HHIPL1: variants seen among roughly 807,000 people sequenced by gnomAD.
HHIPL1 encodes the protein HHIP like 1, also known as HHIP-like protein 1.
Under a neutral mutation model 61.8 loss-of-function variants are expected in HHIPL1, and 43 were observed. That is an observed-to-expected ratio of 0.70 (90% CI 0.55 to 0.90). The LOEUF (loss-of-function observed/expected upper bound fraction) is 0.90, where lower values mean the gene tolerates loss of function less well. HHIPL1 is among the 40% of genes least tolerant of loss of function. The pLI, the probability that HHIPL1 is intolerant of heterozygous loss-of-function variation, is 0.00. For synonymous variants in HHIPL1, 482 were observed against 515.8 expected, an observed-to-expected ratio of 0.93 and a Z score of 0.89; for missense variants, 1,056 against 1,157.7, an observed-to-expected ratio of 0.91 and a Z score of 1.28.
the HHIPL1 span, among the ~76,000 whole-genome samples, chr14:99,631,906 C>A: frequency 2.0e-5 from 3 of 152,186 alleles, no homozygotes; most frequent in African/African-American, 7.2e-5. Context: ...GGCTCTAAGC[C>A]CATGCCCCAG....
Position 99,660,035 on chromosome 14 carries a change from G to A in HHIPL1, c.1376-245G>A, listed in dbSNP as rs536959033. ...GTGACTGCCCCCGCCTCCACCCGGA[G>A]CCTCCCTGCGCCTTGGAGGCCTCCC... On this transcript the variant is annotated intron_variant, in intron 4 of 8. Coordinates refer to ENST00000330710, the MANE Select transcript of HHIPL1 (RefSeq NM_001127258.3). The surrounding 1 kb of genome is among the most constrained non-coding windows in gnomAD (Gnocchi z 4.9). Among the ~76,000 whole-genome samples, 1 of 151,512 alleles carries A rather than the reference G, an allele frequency of 6.6e-6. No individual in the cohort carries two copies. The highest frequency in any genetic ancestry group is 2.0e-4 in the East Asian group (1 of 5,088).
At chr14:99,671,413 A>G (rs922546726) in intron 7 of HHIPL1, among the ~76,000 whole-genome samples, 2 of 152,180 alleles carry the variant, frequency 1.3e-5, no homozygotes, top group African/African-American at 4.8e-5. Context: ...TGAGAAGCGT[A>G]TGTGCCTGGT....
chr14:99,620,400 C>T, the HHIPL1 span, among the ~76,000 whole-genome samples: 2 of 152,248 alleles, frequency 1.3e-5, no homozygotes, highest in Admixed American at 1.3e-4. Flanking sequence ...CTGCCCTGAC[C>T]TGGGCTTCTT....
In HHIPL1 at chr14:99,662,912, C is replaced by T. The variant is rs1214130439; in HGVS notation, c.1539C>T (p.Gly513=). ...CCCTCCAAGAGAACCCAGGGACAGG[C>T]CAGTGGCAGTACAGTGAGATCTGCA... The part of the protein sequence containing the change: ...LMSLQENPGT[G]QWQYSEICMG... The change falls in exon 6 of 9, where the codon GGC becomes GGT. Residue 513 remains glycine (G), a synonymous_variant. Transcript: ENST00000330710. 1 of 1,612,890 alleles carries T rather than the reference C, an allele frequency of 6.2e-7. No homozygotes were observed.
chr14:99,669,044 A>T, intron 7 of HHIPL1: 2 of 1,470,200 alleles, frequency 1.4e-6, no homozygotes, highest in Middle Eastern at 2.0e-4. Context: ...ACCCTCTTCA[A>T]GCACCTTCCC....
intron 2 of HHIPL1, among the ~76,000 whole-genome samples, chr14:99,656,703 G>A (rs895874659): frequency 6.6e-6 from 1 of 151,152 alleles, no homozygotes; most frequent in Non-Finnish European, 1.5e-5. Context: ...TTGAACTTGG[G>A]TGGCGGCGGT....
In HHIPL1 at chr14:99,665,635, G is replaced by A. The variant is rs538416343; in HGVS notation, c.1649-2587G>A. 2.1e-4 allele frequency among the ~76,000 whole-genome samples: 32 copies of A among 152,196 alleles called. No individual in the cohort carries two copies. The South Asian group carries it at 2.9e-3, about 14-fold the overall frequency. ...TAGTTTGTAGAGATGGGGTCTTACTGTGTTGCCTAGGCAGGTGTGGAACTC... is the reference window on the plus strand; with the variant it reads ...TAGTTTGTAGAGATGGGGTCTTACTATGTTGCCTAGGCAGGTGTGGAACTC... On this transcript the variant is annotated intron_variant, in intron 6 of 8. Coordinates refer to ENST00000330710, the MANE Select transcript of HHIPL1 (RefSeq NM_001127258.3).
the HHIPL1 span, among the ~76,000 whole-genome samples, chr14:99,629,328 T>C: frequency 6.6e-6 from 1 of 152,144 alleles, no homozygotes; most frequent in Non-Finnish European, 1.5e-5. Flanking sequence ...AACATGAATA[T>C]GTATTTATCT....
At chr14:99,625,217 C>A in the HHIPL1 span, 4 of 152,148 alleles carry the variant, frequency 2.6e-5, no homozygotes, top group African/African-American at 4.8e-5. Context: ...GCAGCCCCGC[C>A]CCCAGGCAAG....
At position 99,666,570 on chromosome 14, in the gene HHIPL1, C is replaced by G. The variant is rs28379065; in HGVS notation, c.1649-1652C>G. 7.0e-3 allele frequency among the ~76,000 whole-genome samples: 1,059 copies of G among 152,308 alleles called. 16 individuals are homozygous for G. Among genetic ancestry groups the G allele is most frequent in the African/African-American group, 0.024 (1,018 of 41,582 alleles). ...CCCCTGGACACCTCCCAGAGTGGGGCCTTAAGGTCGGTTGGCCAGATGAAC... is the reference window on the plus strand; with the variant it reads ...CCCCTGGACACCTCCCAGAGTGGGGGCTTAAGGTCGGTTGGCCAGATGAAC... On this transcript the variant is annotated intron_variant, in intron 6 of 8. Transcript: ENST00000330710.
At chr14:99,642,255 C>T (rs767293231), upstream of HHIPL1, among the ~76,000 whole-genome samples, 1 of 151,968 alleles carries the variant, frequency 6.6e-6, no homozygotes, top group African/African-American at 2.4e-5. Flanking sequence ...GCCATTTTTA[C>T]TTCAACTATT....
chr14:99,629,510 A>ATT, the HHIPL1 span, among the ~76,000 whole-genome samples: 54 of 148,130 alleles, frequency 3.6e-4, no homozygotes, highest in African/African-American at 3.5e-4. Flanking sequence ...AGACTTCCTG[A>ATT]TTTTTTTTTT....
Position 99,659,456 on chromosome 14 carries a change from A to G in HHIPL1, c.1075A>G (p.Ile359Val), listed in dbSNP as rs779409106. 8.0e-6 allele frequency: 12 copies of G among 1,505,348 alleles called. No individual in the cohort carries two copies. In the South Asian group the frequency reaches 1.4e-4, roughly 17 times the overall value. 93.2% of individuals were successfully genotyped at this position (1,505,348 alleles called of 1,614,324 possible). ...KSALLGKVLR[I>V]DVDRKERGLP... ...GGCGCTGCTGGGCAAGGTGCTGCGC[A>G]TCGACGTGGACCGTAAGGAGCGCGG... is the stretch of plus-strand genomic sequence containing the variant. The change falls in exon 4 of 9, where the codon ATC becomes GTC. Residue 359 changes from isoleucine to valine, a missense_variant. Coordinates refer to ENST00000330710, the MANE Select transcript of HHIPL1 (RefSeq NM_001127258.3).
At chr14:99,621,294 C>T in the HHIPL1 span, among the ~76,000 whole-genome samples, 1 of 152,030 alleles carries the variant, frequency 6.6e-6, no homozygotes, top group African/African-American at 2.4e-5. Context: ...GAGATGGGGT[C>T]TCACCATGTT....
At chr14:99,634,676 G>C in the HHIPL1 span, among the ~76,000 whole-genome samples, 1 of 152,112 alleles carries the variant, frequency 6.6e-6, no homozygotes, top group East Asian at 1.9e-4. Context: ...ATAAGGAAAC[G>C]GGCTCAGCCA....
At chr14:99,664,760 T>A (rs2056214942) in intron 6 of HHIPL1, among the ~76,000 whole-genome samples, 1 of 151,068 alleles carries the variant, frequency 6.6e-6, no homozygotes, top group East Asian at 1.9e-4. Context: ...AGGGAAAACA[T>A]CCCCTTTGCC....
At position 99,660,190 on chromosome 14, in the gene HHIPL1, C is replaced by T; in HGVS notation, c.1376-90C>T. 23 of 1,524,614 alleles carry T rather than the reference C, an allele frequency of 1.5e-5. No homozygotes were observed. Among genetic ancestry groups the T allele is most frequent in the Non-Finnish European group, 2.0e-5 (23 of 1,123,438 alleles). 94.4% of individuals were successfully genotyped at this position (1,524,614 alleles called of 1,614,324 possible). On this transcript the variant is annotated intron_variant, in intron 4 of 8. Transcript: ENST00000330710. This position sits in a 1 kb window ranked among gnomAD's most constrained non-coding sequence, Gnocchi z 4.9. ...GCACGCCCCTCCCTCCGTGGCCGCC[C>T]CACCCCCGCGGAATCCCTCCGGAAT...
At chr14:99,611,892 C>G in the HHIPL1 span, among the ~76,000 whole-genome samples, 3 of 152,172 alleles carry the variant, frequency 2.0e-5, no homozygotes, top group African/African-American at 7.2e-5. Flanking sequence ...TGCCAAAGTG[C>G]TTTCCAAAGA....
intron 8 of HHIPL1, among the ~76,000 whole-genome samples, chr14:99,673,513 C>G (rs2140095832): frequency 9.3e-6 from 1 of 107,110 alleles, no homozygotes; most frequent in African/African-American, 3.9e-5. Flanking sequence ...GTAGGGGTTC[C>G]TGGAGTCTGA....
Sources: allele counts gnomAD v4.1 joint callset (sites outside exome capture counted in the v4.1 genomes callset), GRCh38; gene constraint gnomAD v4.1.1; non-coding constraint Gnocchi (gnomAD v3.1); transcripts MANE v1.5; gene names NCBI Gene and HGNC (gene_info 2026-07-23, HGNC 2026-07-21).